The following ESR1 variants were observed in gnomAD, a reference collection of about 807,000 sequenced individuals.
The protein encoded by ESR1 is estrogen receptor 1.
A neutral mutation model predicts 52.7 loss-of-function variants in ESR1; 12 were observed. The ratio of observed to expected loss-of-function variants is 0.23; its 90% CI spans 0.15 to 0.37. The LOEUF (loss-of-function observed/expected upper bound fraction) is 0.37, where lower values mean the gene tolerates loss of function less well. Ranked by LOEUF, ESR1 falls within the 10% of genes least tolerant of loss-of-function variation. The pLI is 1.00. For synonymous variants in ESR1, 305 were observed against 316.8 expected, an observed-to-expected ratio of 0.96 and a Z score of 0.39; for missense variants, 584 against 779.7, an observed-to-expected ratio of 0.75 and a Z score of 2.99.
rs1044383375 is a variant in ESR1, at chr6:152,100,708, T to G, written c.*1742T>G. The G allele has an allele frequency of 2.2e-5, 5 of 228,202 alleles. No individual in the cohort carries two copies. The highest frequency in any genetic ancestry group is 1.1e-4 in the African/African-American group (5 of 44,694). The allele number at this position is 228,202 out of a possible 1,614,324, so 14.1% of individuals were successfully genotyped here. A position where few individuals can be genotyped will look rare whatever the true frequency, so the allele number is the denominator to read the frequency against. ...TCTTGGTATGTCTTGTTTGGAAAAG[T>G]GGATTTCATTCATTTCTGATTGTCC... On this transcript the variant is annotated 3_prime_UTR_variant, in exon 8 of 8. Coordinates refer to ENST00000206249, the MANE Select transcript of ESR1 (RefSeq NM_000125.4).
intron 4 of ESR1, among the ~76,000 whole-genome samples, chr6:151,972,351 A>G (rs773418026): frequency 6.6e-6 from 1 of 152,192 alleles, no homozygotes; most frequent in Non-Finnish European, 1.5e-5. Flanking sequence ...ACATAACAAA[A>G]AAGAAAACTA....
intron 2 of ESR1, among the ~76,000 whole-genome samples, chr6:151,758,230 C>A (rs925522262): frequency 6.6e-6 from 1 of 152,192 alleles, no homozygotes; most frequent in African/African-American, 2.4e-5. Context: ...AAGCAAATTA[C>A]TTTTACTATT....
chr6:152,017,252 T>C (rs2043236133), intron 5 of ESR1, among the ~76,000 whole-genome samples: 1 of 152,198 alleles, frequency 6.6e-6, no homozygotes, highest in Non-Finnish European at 1.5e-5. Context: ...CAACCCATGA[T>C]ATACTGATTC....
intron 3 of ESR1, among the ~76,000 whole-genome samples, chr6:151,922,549 G>A (rs1051097890): frequency 2.0e-5 from 3 of 152,158 alleles, no homozygotes; most frequent in East Asian, 1.9e-4. Context: ...GCCATTTGGA[G>A]ATTTTTCAGT....
At position 151,808,332 on chromosome 6, in the gene ESR1, G is replaced by T. The variant is rs374116209; in HGVS notation, c.420G>T (p.Thr140=). 971 of 1,537,134 alleles carry T rather than the reference G, an allele frequency of 6.3e-4. 4 individuals carry two copies. The highest frequency in any genetic ancestry group is 7.7e-4 in the Non-Finnish European group (884 of 1,145,724). ...YYLENEPSGY[T]VREAGPPAFY... ...TGGAGAACGAGCCCAGCGGCTACAC[G>T]GTGCGCGAGGCCGGCCCGCCGGCAT... Residue 140 remains threonine, a synonymous_variant, in exon 1 of 8, where the codon ACG becomes ACT. Transcript: ENST00000206249.
intron 3 of ESR1, among the ~76,000 whole-genome samples, chr6:151,910,477 C>A (rs1300868983): frequency 1.3e-5 from 2 of 152,120 alleles, no homozygotes; most frequent in Non-Finnish European, 2.9e-5. Flanking sequence ...AAAATGCAAA[C>A]TCATTTGGTT....
At chr6:151,903,191 C>T (rs567664561) in intron 3 of ESR1, among the ~76,000 whole-genome samples, 1 of 152,182 alleles carries the variant, frequency 6.6e-6, no homozygotes, top group South Asian at 2.1e-4. Flanking sequence ...TTACTAATGC[C>T]TTTCTCTTTA....
Position 151,926,414 on chromosome 6 carries a change from CTGTT to C in ESR1, c.761-17758_761-17755del, listed in dbSNP as rs374732917. ...GATTTGGATTTAGATTACTCTGAAT[CTGTT>C]AATTAAGTTGGGAAGAATTGACATT... On this transcript the variant is annotated intron_variant, in intron 3 of 7. Transcript: ENST00000206249. 7.0e-3 allele frequency among the ~76,000 whole-genome samples: 1,064 copies of C among 152,148 alleles called. 18 individuals are homozygous for C. Among genetic ancestry groups the C allele is most frequent in the African/African-American group, 0.02 (833 of 41,530 alleles).
chr6:151,947,141 A>G (rs566083345), intron 4 of ESR1, among the ~76,000 whole-genome samples: 2 of 152,226 alleles, frequency 1.3e-5, no homozygotes, highest in East Asian at 1.9e-4. Context: ...AACATGACAA[A>G]ACCCTGTCTC....
intron 5 of ESR1, among the ~76,000 whole-genome samples, chr6:152,044,557 G>A (rs1189693445): frequency 6.8e-6 from 1 of 147,358 alleles, no homozygotes; most frequent in Non-Finnish European, 1.5e-5. Context: ...TCAAAACTAG[G>A]GAAGCCGACA....
intron 2 of ESR1, among the ~76,000 whole-genome samples, chr6:151,743,077 T>G (rs1229866664): frequency 2.0e-5 from 3 of 152,168 alleles, no homozygotes; most frequent in Non-Finnish European, 4.4e-5. Context: ...TCCAAAACTC[T>G]ACAGTGCCAA....
chr6:151,823,802 C>T (rs1170763228), intron 1 of ESR1, among the ~76,000 whole-genome samples: 1 of 152,174 alleles, frequency 6.6e-6, no homozygotes, highest in Non-Finnish European at 1.5e-5. Context: ...AACATGAACT[C>T]ATCCTTTTTT....
chr6:151,963,955 C>A (rs763067038), intron 4 of ESR1, among the ~76,000 whole-genome samples: 7 of 152,106 alleles, frequency 4.6e-5, no homozygotes, highest in African/African-American at 7.2e-5. Context: ...ATTCTTGGCA[C>A]TTTTGTTGTA....
chr6:151,756,299 G>A (rs1784280217), intron 2 of ESR1, among the ~76,000 whole-genome samples: 1 of 151,978 alleles, frequency 6.6e-6, no homozygotes, highest in Non-Finnish European at 1.5e-5. Context: ...TTAGGCTGGA[G>A]CGCAGTGGCG....
At chr6:151,891,227 C>A (rs1395531147) in intron 3 of ESR1, among the ~76,000 whole-genome samples, 2 of 152,176 alleles carry the variant, frequency 1.3e-5, no homozygotes, top group African/African-American at 2.4e-5. Context: ...TCTTTATGTA[C>A]CTTTTCAGGA....
At chr6:152,091,622 G>T (rs1262173183) in intron 6 of ESR1, among the ~76,000 whole-genome samples, 9 of 152,106 alleles carry the variant, frequency 5.9e-5, no homozygotes. Context: ...AACATTGGCA[G>T]CCCAAGAAAA....
chr6:151,799,579 C>A (rs1418690162), upstream of ESR1, among the ~76,000 whole-genome samples: 1 of 152,200 alleles, frequency 6.6e-6, no homozygotes, highest in Non-Finnish European at 1.5e-5. Context: ...TCACATTGGA[C>A]TAGTGTCTTT....
intron 1 of ESR1, among the ~76,000 whole-genome samples, chr6:151,685,365 C>T (rs541725069): frequency 9.0e-4 from 137 of 151,422 alleles, no homozygotes; most frequent in Non-Finnish European, 1.6e-3. Flanking sequence ...GATCTCCTGA[C>T]CTCATGATCC....
At chr6:151,878,227 T>A (rs1792193076) in intron 2 of ESR1, among the ~76,000 whole-genome samples, 1 of 152,240 alleles carries the variant, frequency 6.6e-6, no homozygotes, top group East Asian at 1.9e-4. Context: ...CACTTTTTGC[T>A]TGCAGTTAGC....
Sources: allele counts gnomAD v4.1 joint callset (sites outside exome capture counted in the v4.1 genomes callset), GRCh38; gene constraint gnomAD v4.1.1; transcripts MANE v1.5; gene names NCBI Gene and HGNC (gene_info 2026-07-23, HGNC 2026-07-21).